Variants in SV2C observed in about 807,000 individuals in gnomAD.
The protein encoded by SV2C is solute carrier family 22 member B3.
In SV2C, 49 loss-of-function variants were observed where a neutral mutation model predicts 79.7. The observed-to-expected ratio is 0.61, with a 90% CI of 0.49 to 0.78. The LOEUF (loss-of-function observed/expected upper bound fraction) is 0.78, where lower values mean the gene tolerates loss of function less well. Among genes scored for constraint, SV2C ranks in the 30% least tolerant of loss-of-function variants. The probability of loss-of-function intolerance (pLI) is 0.00; values close to 1 mark genes in which losing one functional copy is unlikely to be tolerated. For synonymous variants in SV2C, 334 were observed against 333.2 expected (o/e 1.00, Z -0.03); for missense variants, 833 against 912.9 (o/e 0.91, Z 1.13).
the SV2C span, among the ~76,000 whole-genome samples, chr5:75,920,002 C>T: frequency 6.6e-6 from 1 of 152,138 alleles, no homozygotes; most frequent in Non-Finnish European, 1.5e-5. Flanking sequence ...AGATTCATTG[C>T]CTTTGGGTAT....
At chr5:75,966,850 C>A in the SV2C span, among the ~76,000 whole-genome samples, 1 of 152,272 alleles carries the variant, frequency 6.6e-6, no homozygotes, top group East Asian at 1.9e-4. Context: ...ATCTGTATCA[C>A]TACTGCATTG....
At chr5:76,278,396 C>G (rs1226759124) in intron 4 of SV2C, among the ~76,000 whole-genome samples, 1 of 152,178 alleles carries the variant, frequency 6.6e-6, no homozygotes, top group African/African-American at 2.4e-5. Context: ...GTGTGAGCCT[C>G]TCTGAGGAGA....
intron 1 of SV2C, among the ~76,000 whole-genome samples, chr5:76,117,267 A>T (rs1289582077): frequency 6.6e-6 from 1 of 152,222 alleles, no homozygotes; most frequent in Non-Finnish European, 1.5e-5. Flanking sequence ...AAATGTTTAA[A>T]TGTATATTTT....
the SV2C span, among the ~76,000 whole-genome samples, chr5:75,989,634 C>G: frequency 6.6e-6 from 1 of 151,496 alleles, no homozygotes; most frequent in Non-Finnish European, 1.5e-5. Context: ...TTTCTATTCC[C>G]TTGGGTATAT....
At chr5:76,054,591 C>G in the SV2C span, among the ~76,000 whole-genome samples, 1 of 152,194 alleles carries the variant, frequency 6.6e-6, no homozygotes. Flanking sequence ...AATGATTGAA[C>G]TAATTTACAT....
At chr5:76,276,887 G>C (rs1229895089) in intron 4 of SV2C, among the ~76,000 whole-genome samples, 1 of 151,872 alleles carries the variant, frequency 6.6e-6, no homozygotes, top group Non-Finnish European at 1.5e-5. Flanking sequence ...TAACATATCT[G>C]CCTTTTTCAA....
the SV2C span, among the ~76,000 whole-genome samples, chr5:75,940,499 T>C: frequency 6.6e-6 from 1 of 152,194 alleles, no homozygotes; most frequent in Non-Finnish European, 1.5e-5. Flanking sequence ...TAAAATTGTT[T>C]CCCACTGGTT....
At chr5:75,958,754 AG>A in the SV2C span, among the ~76,000 whole-genome samples, 1 of 151,856 alleles carries the variant, frequency 6.6e-6, no homozygotes, top group African/African-American at 2.4e-5. Context: ...GCTTGAAATG[AG>A]GGAAGCCCTC....
chr5:75,955,429 A>T, the SV2C span, among the ~76,000 whole-genome samples: 36,489 of 151,322 alleles, frequency 0.24, 5,848 homozygotes, highest in Non-Finnish European at 0.37. Context: ...TTAGACCTAA[A>T]GCCATAAAAA....
chr5:75,889,669 G>A, the SV2C span, among the ~76,000 whole-genome samples: 24 of 152,022 alleles, frequency 1.6e-4, no homozygotes, highest in Non-Finnish European at 2.8e-4. Context: ...GAGGCACTGG[G>A]GTCAGGACTT....
the SV2C span, among the ~76,000 whole-genome samples, chr5:75,974,222 A>T: frequency 7.9e-5 from 12 of 152,190 alleles, no homozygotes; most frequent in East Asian, 1.5e-3. Flanking sequence ...GCAGAAACCC[A>T]GGTTCAGCCA....
the SV2C span, among the ~76,000 whole-genome samples, chr5:76,029,219 A>AT: frequency 6.6e-6 from 1 of 152,206 alleles, no homozygotes; most frequent in African/African-American, 2.4e-5. Flanking sequence ...TCACACAGTT[A>AT]TTTTTCTGGT....
chr5:75,970,778 T>C, the SV2C span, among the ~76,000 whole-genome samples: 12 of 152,098 alleles, frequency 7.9e-5, no homozygotes, highest in African/African-American at 2.9e-4. Context: ...CTTCTGAAAC[T>C]ATTCCAATCA....
At chr5:76,124,034 G>GT (rs1208782916) in intron 1 of SV2C, among the ~76,000 whole-genome samples, 1 of 152,080 alleles carries the variant, frequency 6.6e-6, no homozygotes, top group East Asian at 1.9e-4. Flanking sequence ...AAATACAAAT[G>GT]TTTTTTATTT....
the SV2C span, among the ~76,000 whole-genome samples, chr5:76,027,034 GA>G: frequency 3.4e-5 from 5 of 146,518 alleles, no homozygotes; most frequent in East Asian, 9.9e-4. Flanking sequence ...TTTATTTTTT[GA>G]AAAAAAGTAT....
chr5:75,888,869 G>A, the SV2C span, among the ~76,000 whole-genome samples: 42 of 151,986 alleles, frequency 2.8e-4, 1 homozygote, highest in Admixed American at 1.3e-3. Context: ...TTAACAAAGC[G>A]TCACAGACTG....
At chr5:76,346,500 C>A (rs1212155803) in intron 12 of SV2C, among the ~76,000 whole-genome samples, 13 of 152,126 alleles carry the variant, frequency 8.5e-5, no homozygotes, top group Admixed American at 8.5e-4. Context: ...AGGTGCCCTA[C>A]AAATTACCCC....
At chr5:76,340,275 T>C in intron 12 of SV2C, among the ~76,000 whole-genome samples, 1 of 152,236 alleles carries the variant, frequency 6.6e-6, no homozygotes, top group East Asian at 1.9e-4. Context: ...AAGAAATAAC[T>C]ATACGTATCC....
At chr5:76,057,728 A>G in the SV2C span, among the ~76,000 whole-genome samples, 1 of 152,120 alleles carries the variant, frequency 6.6e-6, no homozygotes, top group Admixed American at 6.6e-5. Context: ...ATTACATAGT[A>G]TGCAAAAACA....
Sources: allele counts gnomAD v4.1 joint callset (sites outside exome capture counted in the v4.1 genomes callset), GRCh38; gene constraint gnomAD v4.1.1; transcripts MANE v1.5; gene names NCBI Gene and HGNC (gene_info 2026-07-23, HGNC 2026-07-21).